Variants in TRPC5 observed in about 807,000 individuals in gnomAD.
The protein encoded by TRPC5 is transient receptor potential cation channel subfamily C member 5.
TRPC5 carries 9 observed loss-of-function variants against 56.5 expected under a neutral mutation model. That is an observed-to-expected ratio of 0.16 (90% confidence interval 0.10 to 0.28). The LOEUF (loss-of-function observed/expected upper bound fraction) is 0.28, where lower values mean the gene tolerates loss of function less well. TRPC5 is among the 10% of genes least tolerant of loss of function. The pLI, the probability that TRPC5 is intolerant of heterozygous loss-of-function variation, is 1.00. For missense variants in TRPC5, 469 were observed against 748.9 expected (o/e 0.63, Z 4.36); for synonymous variants, 282 against 278.5 (o/e 1.01, Z -0.13).
intron 7 of TRPC5, among the ~76,000 whole-genome samples, chrX:111,823,093 G>A (rs767714980): frequency 4.4e-5 from 5 of 112,429 alleles, no homozygotes; most frequent in African/African-American, 6.5e-5. Flanking sequence ...TGTTGCTGCT[G>A]TTGGAAGCAG....
chrX:111,930,885 G>T, intron 2 of TRPC5: 1 of 118,670 alleles, frequency 8.4e-6, no homozygotes, highest in East Asian at 2.4e-4. Context: ...AATGGAGGAT[G>T]AGGGATAGGG....
chrX:112,069,031 T>C (rs1254811432), intron 1 of TRPC5, among the ~76,000 whole-genome samples: 1 of 111,567 alleles, frequency 9.0e-6, no homozygotes, highest in Non-Finnish European at 1.9e-5. Context: ...GCCTAATACA[T>C]GCTTCAAGTT....
At chrX:111,859,940 G>T (rs1043466095) in intron 3 of TRPC5, among the ~76,000 whole-genome samples, 43 of 112,908 alleles carry the variant, frequency 3.8e-4, no homozygotes, top group African/African-American at 1.2e-3. Flanking sequence ...ACGGAGTCTC[G>T]CTCTGTCGCC....
At chrX:111,931,471 AT>A (rs758414669) in intron 2 of TRPC5, among the ~76,000 whole-genome samples, 1 of 112,444 alleles carries the variant, frequency 8.9e-6, no homozygotes, top group South Asian at 3.7e-4. Flanking sequence ...TTAAGTAAAT[AT>A]GACGTATCTT....
At chrX:111,887,159 C>T (rs1472860026) in intron 3 of TRPC5, among the ~76,000 whole-genome samples, 2 of 112,620 alleles carry the variant, frequency 1.8e-5, no homozygotes, top group African/African-American at 6.4e-5. Flanking sequence ...TGGACTCTCA[C>T]ATCTCCCTTT....
At chrX:111,978,152 G>A (rs73548118) in intron 1 of TRPC5, among the ~76,000 whole-genome samples, 10,818 of 111,410 alleles carry the variant, frequency 0.097, 930 homozygotes, top group African/African-American at 0.28. Flanking sequence ...ATCACAAAGA[G>A]TTAATATTCA....
chrX:112,000,675 G>C (rs1188570188), intron 1 of TRPC5, among the ~76,000 whole-genome samples: 3 of 112,030 alleles, frequency 2.7e-5, no homozygotes, highest in Non-Finnish European at 5.6e-5. Flanking sequence ...ACTTAGGATA[G>C]GTACATCCTG....
intron 1 of TRPC5, among the ~76,000 whole-genome samples, chrX:111,995,799 T>C (rs1928510087): frequency 9.0e-6 from 1 of 111,584 alleles, no homozygotes; most frequent in South Asian, 3.8e-4. Flanking sequence ...TGGTAGTTTG[T>C]ATTTCTGTGG....
At chrX:111,899,799 C>T (rs1226687600) in intron 3 of TRPC5, among the ~76,000 whole-genome samples, 1 of 111,492 alleles carries the variant, frequency 9.0e-6, no homozygotes, top group Non-Finnish European at 1.9e-5. Context: ...CTTGATTTCT[C>T]TCCATATTTT....
rs746677433 is a variant in TRPC5 at position 111,785,562 on chromosome X, C to T, written c.1897-3424G>A. On this transcript the variant is annotated intron_variant, in intron 7 of 10. Transcript: ENST00000262839. Reference sequence around the variant, plus strand: ...TGGAAGAAAGCTGGACGGAGAATCACTTTCACGAGTTCACAGAAGTAGGCT... The same window carrying T: ...TGGAAGAAAGCTGGACGGAGAATCATTTTCACGAGTTCACAGAAGTAGGCT... 2.5e-4 allele frequency among the ~76,000 whole-genome samples: 28 copies of T among 112,031 alleles called. No individual in the cohort carries two copies. The South Asian group carries it at 6.3e-3, about 25-fold the overall frequency.
At chrX:111,797,746 A>G (rs2179791) in intron 7 of TRPC5, among the ~76,000 whole-genome samples, 1 of 111,484 alleles carries the variant, frequency 9.0e-6, no homozygotes, top group African/African-American at 3.2e-5. Context: ...TGCTGTATTA[A>G]TCTAAGAAAC....
At chrX:111,988,423 C>A (rs1256474730) in intron 1 of TRPC5, among the ~76,000 whole-genome samples, 1 of 110,637 alleles carries the variant, frequency 9.0e-6, no homozygotes, top group Non-Finnish European at 1.9e-5. Flanking sequence ...GATATTTAGT[C>A]ATTTTGTACC....
intron 6 of TRPC5, among the ~76,000 whole-genome samples, chrX:111,837,695 C>T (rs1874061947): frequency 9.0e-6 from 1 of 110,927 alleles, no homozygotes; most frequent in Non-Finnish European, 1.9e-5. Context: ...ATTGCAATGG[C>T]TTATGCTTGA....
chrX:111,871,443 T>A (rs1351235858), intron 3 of TRPC5, among the ~76,000 whole-genome samples: 2 of 111,061 alleles, frequency 1.8e-5, no homozygotes, highest in African/African-American at 6.6e-5. Context: ...GGGGTTCACA[T>A]TCCAGCCCCA....
intron 1 of TRPC5, among the ~76,000 whole-genome samples, chrX:111,965,747 G>A (rs1927545159): frequency 8.9e-6 from 1 of 111,735 alleles, no homozygotes; most frequent in South Asian, 3.8e-4. Flanking sequence ...CGAAATGAAG[G>A]CAGAAATAAA....
At position 111,992,040 on chromosome X, in the gene TRPC5, A is replaced by T. The variant is rs180765199; in HGVS notation, c.-21-39599T>A. Among the ~76,000 whole-genome samples the T allele has an allele frequency of 2.7e-5, 3 of 112,541 alleles. No individual in the cohort carries two copies. In the East Asian group the frequency reaches 8.4e-4, roughly 32 times the overall value. ...CTCAATTTAGGGTTCAGCACTGAGA[A>T]TCACAAGTCACAGATCAGCTAACTG... On this transcript the variant is annotated intron_variant, in intron 1 of 10. Coordinates refer to ENST00000262839, the MANE Select transcript of TRPC5 (RefSeq NM_012471.3).
chrX:112,049,171 G>A (rs187078564), intron 1 of TRPC5, among the ~76,000 whole-genome samples: 1 of 111,885 alleles, frequency 8.9e-6, no homozygotes, highest in East Asian at 2.8e-4. Flanking sequence ...CTCTGCAACT[G>A]TAAACTGCTC....
intron 1 of TRPC5, among the ~76,000 whole-genome samples, chrX:111,987,574 G>A (rs910453406): frequency 3.5e-4 from 39 of 110,995 alleles, no homozygotes; most frequent in African/African-American, 1.3e-3. Context: ...CCACATATAA[G>A]TCAGATCATG....
At chrX:111,939,155 A>T (rs1926695934) in intron 2 of TRPC5, among the ~76,000 whole-genome samples, 1 of 112,078 alleles carries the variant, frequency 8.9e-6, no homozygotes, top group Non-Finnish European at 1.9e-5. Flanking sequence ...AATTGAAATA[A>T]TCATATGGTT....
Sources: allele counts gnomAD v4.1 joint callset (sites outside exome capture counted in the v4.1 genomes callset), GRCh38; gene constraint gnomAD v4.1.1; transcripts MANE v1.5; gene names NCBI Gene and HGNC (gene_info 2026-07-23, HGNC 2026-07-21).